LINGO2: variants seen among roughly 807,000 people sequenced by gnomAD.
LINGO2 encodes the protein leucine-rich repeat and immunoglobulin-like domain-containing nogo receptor-interacting protein 2.
LINGO2 carries 14 observed loss-of-function variants against 30.6 expected under a neutral mutation model. That is an observed-to-expected ratio of 0.46 (90% CI 0.30 to 0.72). The LOEUF (loss-of-function observed/expected upper bound fraction) is 0.72, where lower values mean the gene tolerates loss of function less well. Among genes scored for constraint, LINGO2 ranks in the 30% least tolerant of loss-of-function variants. The pLI is 0.07. For synonymous variants in LINGO2, 317 were observed against 288.5 expected (o/e 1.10, Z -1.00); for missense variants, 729 against 751.7 (o/e 0.97, Z 0.35).
At chr9:27,949,497 G>A (rs1823520471) in exon 6 of LINGO2, 1 of 1,614,008 alleles carries the variant, frequency 6.2e-7, no homozygotes, top group South Asian at 1.1e-5. Context: ...ATCCTTGAAA[G>A]ACCTCTCACG....
chr9:28,272,911 C>T (rs1261278557), intron 4 of LINGO2, among the ~76,000 whole-genome samples: 1 of 152,148 alleles, frequency 6.6e-6, no homozygotes, highest in Non-Finnish European at 1.5e-5. Flanking sequence ...AAAATCCCAC[C>T]CCTGCTTTAA....
intron 3 of LINGO2, among the ~76,000 whole-genome samples, chr9:28,326,927 C>A (rs1232771462): frequency 6.6e-6 from 1 of 152,146 alleles, no homozygotes; most frequent in African/African-American, 2.4e-5. Context: ...TCATTCACCT[C>A]TTCACATCCA....
At chr9:28,865,777 C>G in the LINGO2 span, among the ~76,000 whole-genome samples, 2 of 152,088 alleles carry the variant, frequency 1.3e-5, no homozygotes. Context: ...GGGAGAGGCT[C>G]TGTCTCAAAA....
At chr9:28,309,553 GC>G (rs1180054488) in intron 3 of LINGO2, among the ~76,000 whole-genome samples, 4 of 151,366 alleles carry the variant, frequency 2.6e-5, no homozygotes, top group African/African-American at 4.9e-5. Flanking sequence ...TGCATGTTGT[GC>G]ACATGGACCC....
At chr9:28,916,341 C>T in the LINGO2 span, among the ~76,000 whole-genome samples, 2 of 152,206 alleles carry the variant, frequency 1.3e-5, no homozygotes, top group African/African-American at 4.8e-5. Flanking sequence ...AGGTCTTTTT[C>T]CTGATCCAGG....
the LINGO2 span, among the ~76,000 whole-genome samples, chr9:28,913,808 G>A: frequency 2.0e-5 from 3 of 152,032 alleles, no homozygotes; most frequent in Non-Finnish European, 4.4e-5. Context: ...TAGTGTTCCT[G>A]GACTCAGCAT....
At chr9:28,987,250 A>G in the LINGO2 span, among the ~76,000 whole-genome samples, 4 of 151,644 alleles carry the variant, frequency 2.6e-5, no homozygotes, top group Non-Finnish European at 5.9e-5. Context: ...CGTATTTGCT[A>G]TTTCTTCATA....
the LINGO2 span, among the ~76,000 whole-genome samples, chr9:28,910,504 C>T: frequency 1.3e-5 from 2 of 151,964 alleles, no homozygotes; most frequent in Non-Finnish European, 2.9e-5. Flanking sequence ...TTGTAATTCC[C>T]CATGTTGGAA....
chr9:28,380,123 G>A (rs1270343158), intron 2 of LINGO2, among the ~76,000 whole-genome samples: 1 of 152,012 alleles, frequency 6.6e-6, no homozygotes, highest in Non-Finnish European at 1.5e-5. Flanking sequence ...AGCTGAACAT[G>A]TTTACAATCT....
At chr9:28,877,094 G>A in the LINGO2 span, among the ~76,000 whole-genome samples, 674 of 144,930 alleles carry the variant, frequency 4.7e-3, 9 homozygotes, top group African/African-American at 0.018. Context: ...TTTTTGATGG[G>A]GTTGTGTTTT....
At chr9:28,747,206 T>C in the LINGO2 span, among the ~76,000 whole-genome samples, 4 of 151,890 alleles carry the variant, frequency 2.6e-5, no homozygotes, top group Non-Finnish European at 5.9e-5. Flanking sequence ...AGAACAGCAC[T>C]GCAGAGAGAA....
the LINGO2 span, among the ~76,000 whole-genome samples, chr9:28,930,044 C>A: frequency 6.6e-6 from 1 of 152,214 alleles, no homozygotes; most frequent in Admixed American, 6.5e-5. The surrounding 1 kb of genome is among the most constrained non-coding windows in gnomAD (Gnocchi z 4.2). Flanking sequence ...TTCATCACTT[C>A]TTTGCATCAA....
At chr9:28,430,109 C>CGCGTGTGTGTGTGT (rs569701444) in intron 2 of LINGO2, among the ~76,000 whole-genome samples, 16 of 136,100 alleles carry the variant, frequency 1.2e-4, no homozygotes, top group African/African-American at 4.2e-4. Flanking sequence ...CGCGCGCGCG[C>CGCGTGTGTGTGTGT]GTGTGTGTGT....
At chr9:28,152,590 T>G (rs1439716487) in intron 4 of LINGO2, among the ~76,000 whole-genome samples, 1 of 152,048 alleles carries the variant, frequency 6.6e-6, no homozygotes, top group Non-Finnish European at 1.5e-5. Context: ...TATACAAGAA[T>G]GCAACATGTA....
At chr9:28,498,755 G>A (rs1023972723) in intron 1 of LINGO2, among the ~76,000 whole-genome samples, 1 of 152,122 alleles carries the variant, frequency 6.6e-6, no homozygotes, top group Non-Finnish European at 1.5e-5. Flanking sequence ...CGCTCATGCT[G>A]GGAGCTGTAG....
chr9:28,079,812 T>G (rs1185572334), intron 4 of LINGO2, among the ~76,000 whole-genome samples: 1 of 152,208 alleles, frequency 6.6e-6, no homozygotes, highest in Non-Finnish European at 1.5e-5. Context: ...CCTGCATCCT[T>G]GACATCTTCT....
intron 4 of LINGO2, among the ~76,000 whole-genome samples, chr9:28,016,140 T>TC (rs1402107827): frequency 1.3e-5 from 2 of 152,074 alleles, no homozygotes; most frequent in Admixed American, 6.6e-5. Context: ...CAATTTCTTT[T>TC]CCCTCCTCAT....
the LINGO2 span, among the ~76,000 whole-genome samples, chr9:28,810,892 A>G: frequency 7.9e-5 from 12 of 151,992 alleles, no homozygotes; most frequent in Non-Finnish European, 1.5e-4. Context: ...GTGAACCTCT[A>G]ATTGTATTCC....
intron 4 of LINGO2, among the ~76,000 whole-genome samples, chr9:28,199,763 A>T (rs1335996119): frequency 6.6e-6 from 1 of 152,166 alleles, no homozygotes; most frequent in Non-Finnish European, 1.5e-5. Context: ...TCTGATACTG[A>T]TATTATATCA....
Sources: allele counts gnomAD v4.1 joint callset (sites outside exome capture counted in the v4.1 genomes callset), GRCh38; gene constraint gnomAD v4.1.1; non-coding constraint Gnocchi (gnomAD v3.1); transcripts MANE v1.5; gene names NCBI Gene and HGNC (gene_info 2026-07-23, HGNC 2026-07-21).